EIF4A3: variants seen among roughly 807,000 people sequenced by gnomAD.
EIF4A3 encodes eukaryotic initiation factor 4A-III.
A neutral mutation model predicts 55.6 loss-of-function variants in EIF4A3; 1 was observed. That is an observed-to-expected ratio of 0.02 (90% CI 0.01 to 0.09). The LOEUF is 0.09. Ranked by LOEUF, EIF4A3 falls within the 10% of genes least tolerant of loss-of-function variation. The pLI is 1.00. For missense variants in EIF4A3, 221 were observed against 540.7 expected, an observed-to-expected ratio of 0.41 and a Z score of 5.86; for synonymous variants, 194 against 196.3, an observed-to-expected ratio of 0.99 and a Z score of 0.10.
At chr17:80,141,730 G>T in intron 3 of EIF4A3, 52 bp downstream of exon 3, 3 of 1,538,816 alleles carry the variant, frequency 1.9e-6, no homozygotes, top group Non-Finnish European at 2.7e-6. Context: ...AGAAGAAAAA[G>T]CAAGTATTTC....
chr17:80,139,258 G>T, intron 6 of EIF4A3, 96 bp from the exon 7 acceptor site: 1 of 1,504,024 alleles, frequency 6.6e-7, no homozygotes, highest in South Asian at 1.2e-5. Context: ...TAGAGGCAGA[G>T]TGGTGATAAG....
At chr17:80,145,941 C>T (rs564052745) in intron 1 of EIF4A3, among the ~76,000 whole-genome samples, 1 of 152,310 alleles carries the variant, frequency 6.6e-6, no homozygotes, top group East Asian at 1.9e-4. Context: ...GCTCCCAACT[C>T]TCTTGTTTCC....
In EIF4A3 at chr17:80,136,152, TAC is replaced by T. The variant is rs1296748391; in HGVS notation, c.1092-23_1092-22del. On this transcript the variant is annotated intron_variant, in intron 10 of 11. Coordinates refer to ENST00000649764, the MANE Select transcript of EIF4A3 (RefSeq NM_014740.4). ...CAATTCTTCAGGAATAAAATAATAT[TAC>T]AGTTAGTATATATAACAATCAAGAT... is the stretch of plus-strand genomic sequence containing the variant. The T allele has an allele frequency of 2.5e-6, 4 of 1,613,678 alleles. No individual in the cohort carries two copies. In the South Asian group the frequency reaches 3.3e-5, roughly 13 times the overall value.
chr17:80,142,717 C>G (rs532456440), intron 2 of EIF4A3, among the ~76,000 whole-genome samples: 1 of 152,100 alleles, frequency 6.6e-6, no homozygotes, highest in African/African-American at 2.4e-5. Context: ...TGCATTCCCG[C>G]CTGGGTGACG....
In EIF4A3 at chr17:80,140,028, C is replaced by T; in HGVS notation, c.485G>A (p.Gly162Asp). The T allele has an allele frequency of 6.2e-7, 1 of 1,613,092 alleles. No homozygotes were observed. Among genetic ancestry groups the T allele is most frequent in the East Asian group, 2.2e-5 (1 of 44,872 alleles). ...KLDYGQHVVA[G>D]TPGRVFDMIR... is the part of the protein sequence containing the mutation. Reference sequence around the variant, plus strand: ...CTTACCAAAAACACGCCCTGGAGTGCCCGCGACAACATGCTGTCCGTAATC... The same window carrying T: ...CTTACCAAAAACACGCCCTGGAGTGTCCGCGACAACATGCTGTCCGTAATC... The change falls in exon 5 of 12, where the codon GGC becomes GAC. Residue 162 changes from glycine (G) to aspartate (D), a missense_variant. Physicochemically the swap from Gly to Asp is moderately conservative, Grantham distance 94. Around this residue, in one of 4 missense-constraint regions of EIF4A3, gnomAD observed 85 missense variants for 205.8 expected, o/e 0.41. Coordinates refer to ENST00000649764, the MANE Select transcript of EIF4A3 (RefSeq NM_014740.4).
Position 80,147,099 on chromosome 17 carries a change from A to G in EIF4A3, c.-138T>C. 1 of 1,273,850 alleles carries G rather than the reference A, an allele frequency of 7.9e-7. No homozygotes were observed. 78.9% of individuals were successfully genotyped at this position (1,273,850 alleles called of 1,614,324 possible). A position where few individuals can be genotyped will look rare whatever the true frequency, so the allele number is the denominator to read the frequency against. Reference sequence around the variant, plus strand: ...TGCCGACCTCGCTGTGCCGCTGCCGACCTCGCTGTGCCGCTGCCGACCTCG... The same window carrying G: ...TGCCGACCTCGCTGTGCCGCTGCCGGCCTCGCTGTGCCGCTGCCGACCTCG... On this transcript the variant is annotated 5_prime_UTR_variant, in exon 1 of 12. Coordinates refer to ENST00000649764, the MANE Select transcript of EIF4A3 (RefSeq NM_014740.4).
At chr17:80,141,120 G>A (rs896937178) in intron 4 of EIF4A3, among the ~76,000 whole-genome samples, 199 bp downstream of exon 4, 3 of 151,732 alleles carry the variant, frequency 2.0e-5, no homozygotes, top group African/African-American at 7.3e-5. Flanking sequence ...AAAAACTACC[G>A]AGAGCACACA....
chr17:80,144,374 A>G (rs2039641799), intron 1 of EIF4A3, 130 bp from the exon 2 acceptor site: 1 of 770,914 alleles, frequency 1.3e-6, no homozygotes, highest in Admixed American at 2.2e-5. Context: ...TGTTCAACAT[A>G]GCAAGCTCTC....
In EIF4A3 at chr17:80,147,051, C is replaced by A. The variant is rs1259167949; in HGVS notation, c.-90G>T. 8.0e-7 allele frequency: 1 copy of A among 1,245,410 alleles called. No individual in the cohort carries two copies. Among genetic ancestry groups the A allele is most frequent in the African/African-American group, 1.9e-5 (1 of 52,454 alleles). The allele number at this position is 1,245,410 out of a possible 1,614,324, so 77.1% of individuals were successfully genotyped here. A position where few individuals can be genotyped will look rare whatever the true frequency, so the allele number is the denominator to read the frequency against. ...GCTGTGCCGCTGCCGACCTCGCTGC[C>A]GCTGCCGACCTCGCTGTGCCGCTGC... is the stretch of plus-strand genomic sequence containing the variant. On this transcript the variant is annotated 5_prime_UTR_variant, in exon 1 of 12. Coordinates refer to ENST00000649764, the MANE Select transcript of EIF4A3 (RefSeq NM_014740.4).
chr17:80,139,354 T>C (rs2143990295), intron 6 of EIF4A3, 192 bp from the exon 7 acceptor site: 1 of 740,562 alleles, frequency 1.4e-6, no homozygotes, highest in African/African-American at 1.8e-5. Flanking sequence ...CACCGGAGTG[T>C]TATCTGGTTG....
chr17:80,138,782 G>C, intron 7 of EIF4A3: 1 of 501,178 alleles, frequency 2.0e-6, no homozygotes, highest in South Asian at 2.4e-5. Context: ...TATTGGTAGA[G>C]ATACGGTCTC....
At position 80,134,828 on chromosome 17, in the gene EIF4A3, A is replaced by C. The variant is rs1266355646; in HGVS notation, c.*662T>G. Among the ~76,000 whole-genome samples the C allele has an allele frequency of 6.6e-6, 1 of 152,122 alleles. No homozygotes were observed. On this transcript the variant is annotated 3_prime_UTR_variant, in exon 12 of 12. Coordinates refer to ENST00000649764, the MANE Select transcript of EIF4A3 (RefSeq NM_014740.4). ...AGCAGAGCAAAACTCATCAACGATG[A>C]AACTCTTTCCAAAAAAAAAGATTAG...
In EIF4A3 at chr17:80,144,198, G is replaced by A. The variant is rs748993486; in HGVS notation, c.216C>T (p.Ile72=). ...GTGCGATGACATCTCTCCCTTTGAT[G>A]ATCTGCTTGATTGCTCGTTGCTGGA... The part of the protein sequence containing the change: ...SAIQQRAIKQ[I]IKGRDVIAQS... The change falls in exon 2 of 12, where the codon ATC becomes ATT. Residue 72 remains isoleucine (I), a synonymous_variant. Transcript: ENST00000649764. 6.2e-7 allele frequency: 1 copy of A among 1,614,040 alleles called. No homozygotes were observed. The highest frequency in any genetic ancestry group is 8.5e-7 in the Non-Finnish European group (1 of 1,180,022).
At position 80,140,117 on chromosome 17, in the gene EIF4A3, G is replaced by A. The variant is rs139604989; in HGVS notation, c.396C>T (p.Tyr132=). ...TGCAGGCATGGCACTGGACATTCAT[G>A]TAGTCACCGAGAGCAAGCAGCCCCT... ...IQKGLLALGD[Y]MNVQCHACIG... Residue 132 remains tyrosine, a synonymous_variant, in exon 5 of 12, where the codon TAC becomes TAT. Transcript: ENST00000649764. 1.6e-5 allele frequency: 25 copies of A among 1,608,744 alleles called. No individual in the cohort carries two copies. The highest frequency in any genetic ancestry group is 1.9e-5 in the Non-Finnish European group (22 of 1,177,252).
chr17:80,141,568 G>A (rs559354107), intron 3 of EIF4A3, 187 bp from the exon 4 acceptor site: 105 of 746,076 alleles, frequency 1.4e-4, no homozygotes, highest in Middle Eastern at 1.0e-3. Context: ...CAGCATCCTC[G>A]TCTGCAGACA....
At position 80,147,029 on chromosome 17, in the gene EIF4A3, GTGCCGCTGCCGACCTCGC is replaced by G. The variant is rs1279194448; in HGVS notation, c.-86_-69del. ...CCTCGCTGCCGCTGCCGACCTCGCTGTGCCGCTGCCGACCTCGCTGCCGCTGCCGACCTCGCTGTGCCG... is the reference window on the plus strand; with the variant it reads ...CCTCGCTGCCGCTGCCGACCTCGCTGTGCCGCTGCCGACCTCGCTGTGCCG... On this transcript the variant is annotated 5_prime_UTR_variant, in exon 1 of 12. Transcript: ENST00000649764. The G allele has an allele frequency of 7.6e-3, 9,364 of 1,237,536 alleles. 118 individuals carry two copies. The highest frequency in any genetic ancestry group is 0.024 in the Middle Eastern group (77 of 3,232). 76.7% of individuals were successfully genotyped at this position (1,237,536 alleles called of 1,614,324 possible).
intron 7 of EIF4A3, chr17:80,138,777 G>GT: frequency 2.1e-6 from 1 of 472,738 alleles, no homozygotes; most frequent in Non-Finnish European, 3.8e-6. Flanking sequence ...TTTATTATTG[G>GT]TAGAGATACG....
At chr17:80,135,975 A>T in intron 11 of EIF4A3, 29 bp downstream of exon 11, 1 of 1,605,886 alleles carries the variant, frequency 6.2e-7, no homozygotes, top group Non-Finnish European at 8.5e-7. Context: ...TTCCCTCTAC[A>T]ATTACAGTAG....
chr17:80,137,715 A>G (rs1023310876), intron 8 of EIF4A3: 19 of 527,990 alleles, frequency 3.6e-5, no homozygotes, highest in African/African-American at 3.5e-4. Flanking sequence ...TTCTCCATAT[A>G]ATGACTCTAT....
Sources: gnomAD v4.1 joint callset for allele counts (sites outside exome capture counted in the v4.1 genomes callset) on GRCh38, gnomAD v4.1.1 for gene constraint, gnomAD v4.1.1 regional missense constraint, MANE v1.5 for transcripts, NCBI Gene and HGNC (gene_info 2026-07-23, HGNC 2026-07-21) for gene names.